KDM2A: variants seen among roughly 807,000 people sequenced by gnomAD.
KDM2A encodes lysine-specific demethylase 2A.
In KDM2A, 3 loss-of-function variants were observed where a neutral mutation model predicts 137.3. The observed-to-expected ratio is 0.02, with a 90% CI of 0.01 to 0.06. KDM2A has a LOEUF of 0.06. Ranked by LOEUF, KDM2A falls within the 10% of genes least tolerant of loss-of-function variation. The pLI, the probability that KDM2A is intolerant of heterozygous loss-of-function variation, is 1.00. For missense variants in KDM2A, 738 were observed against 1,510.6 expected (o/e 0.49, Z 8.48); for synonymous variants, 512 against 541.5 (o/e 0.95, Z 0.76).
At chr11:67,137,574 A>G (rs1308669921) in intron 2 of KDM2A, among the ~76,000 whole-genome samples, 3 of 152,192 alleles carry the variant, frequency 2.0e-5, no homozygotes, top group Non-Finnish European at 4.4e-5. Flanking sequence ...AAATATAAGT[A>G]TGACTCCCAA....
intron 1 of KDM2A, among the ~76,000 whole-genome samples, chr11:67,120,265 C>T (rs147946478): frequency 6.6e-6 from 1 of 152,320 alleles, no homozygotes; most frequent in African/African-American, 2.4e-5. Flanking sequence ...GTTTCCCTCC[C>T]GACTTCGGGC....
intron 5 of KDM2A, among the ~76,000 whole-genome samples, chr11:67,203,372 A>G (rs1405286662): frequency 6.6e-6 from 1 of 150,968 alleles, no homozygotes; most frequent in Non-Finnish European, 1.5e-5. Context: ...TATCTCCAAG[A>G]TATGGTTATA....
At chr11:67,138,749 C>A (rs1856026565) in intron 2 of KDM2A, among the ~76,000 whole-genome samples, 1 of 152,164 alleles carries the variant, frequency 6.6e-6, no homozygotes, top group Non-Finnish European at 1.5e-5. Flanking sequence ...CCACTACATT[C>A]TTGGATCCTA....
intron 10 of KDM2A, among the ~76,000 whole-genome samples, chr11:67,224,794 A>G (rs1001342975): frequency 4.8e-5 from 7 of 145,426 alleles, no homozygotes; most frequent in Non-Finnish European, 7.5e-5. Flanking sequence ...ATTTTCCCCA[A>G]TGATACTCAC....
Position 67,254,553 on chromosome 11 carries a change from G to A in KDM2A, c.3307+135G>A, listed in dbSNP as rs1452023152. On this transcript the variant is annotated intron_variant, in intron 20 of 20. Coordinates refer to ENST00000529006, the MANE Select transcript of KDM2A (RefSeq NM_012308.3). The surrounding 1 kb of genome is among the most constrained non-coding windows in gnomAD (Gnocchi z 4.7). ...GCTCATTTCTTCACATCTGGACAAG[G>A]ACATGGATTTCTATCCCTTTTTTAA... 7.7e-6 allele frequency: 6 copies of A among 779,196 alleles called. No individual in the cohort carries two copies. Among genetic ancestry groups the A allele is most frequent in the African/African-American group, 3.4e-5 (2 of 58,288 alleles). 48.3% of individuals were successfully genotyped at this position (779,196 alleles called of 1,614,324 possible).
chr11:67,176,119 G>A (rs1178691846), intron 2 of KDM2A, among the ~76,000 whole-genome samples: 1 of 152,110 alleles, frequency 6.6e-6, no homozygotes, highest in Non-Finnish European at 1.5e-5. Context: ...CAAGTTACTA[G>A]GTAAGAGAGT....
chr11:67,192,056 T>G (rs998799230), intron 5 of KDM2A, among the ~76,000 whole-genome samples: 1 of 152,214 alleles, frequency 6.6e-6, no homozygotes, highest in Non-Finnish European at 1.5e-5. Context: ...CACCCATCTA[T>G]AAACCCAAAA....
intron 2 of KDM2A, among the ~76,000 whole-genome samples, chr11:67,147,051 C>T (rs1856265700): frequency 6.6e-6 from 1 of 152,032 alleles, no homozygotes; most frequent in African/African-American, 2.4e-5. Context: ...AGCCAGAAAA[C>T]CTAACAGGAT....
chr11:67,246,132 A>G lies in KDM2A; in HGVS notation c.1965+16A>G, dbSNP rs1565423423. 6.2e-7 allele frequency: 1 copy of G among 1,613,274 alleles called. No individual in the cohort carries two copies. The highest frequency in any genetic ancestry group is 1.1e-5 in the South Asian group (1 of 90,940). On this transcript the variant is annotated intron_variant, in intron 15 of 20. Transcript: ENST00000529006. ...CTGCCTCCAGGTGAGGAGAGCTATG[A>G]GGGGTTCCTGAAGTCTCAGCTAATG...
intron 2 of KDM2A, among the ~76,000 whole-genome samples, chr11:67,160,468 T>A (rs1856610794): frequency 6.6e-6 from 1 of 152,094 alleles, no homozygotes; most frequent in Non-Finnish European, 1.5e-5. Flanking sequence ...AGGAAGCCCT[T>A]CATTTAAGAA....
chr11:67,248,450 A>G (rs919447333), intron 16 of KDM2A, 80 bp downstream of exon 16: 32 of 908,618 alleles, frequency 3.5e-5, no homozygotes, highest in South Asian at 1.2e-4. Flanking sequence ...TTGCCTTTGC[A>G]TTAGTGTTCA....
Position 67,250,555 on chromosome 11 carries a change from C to T in KDM2A, c.2525C>T (p.Ala842Val), listed in dbSNP as rs1216483801. The change falls in exon 17 of 21, where the codon GCC becomes GTC. Residue 842 changes from alanine (A) to valine (V), a missense_variant. Coordinates refer to ENST00000529006, the MANE Select transcript of KDM2A (RefSeq NM_012308.3). This position sits in a 1 kb window ranked among gnomAD's most constrained non-coding sequence, Gnocchi z 7.1. ...CGTGTGCTAGTGCAGCACTGCCCAGCCCGAACCCCCCAGCGTGGGGATGAG... is the reference window on the plus strand; with the variant it reads ...CGTGTGCTAGTGCAGCACTGCCCAGTCCGAACCCCCCAGCGTGGGGATGAG... ...SPRVLVQHCP[A>V]RTPQRGDEEG... 11 of 1,613,622 alleles carry T rather than the reference C, an allele frequency of 6.8e-6. No homozygotes were observed. In the South Asian group the frequency reaches 9.9e-5, roughly 14 times the overall value.
In KDM2A at chr11:67,245,936, A is replaced by G. The variant is rs776609835; in HGVS notation, c.1834-49A>G. ...CTTCAGTTTAAGGGAAACTGAAATGATAAAGATCTGAGTCAGTTCTCTTGG... is the reference window on the plus strand; with the variant it reads ...CTTCAGTTTAAGGGAAACTGAAATGGTAAAGATCTGAGTCAGTTCTCTTGG... On this transcript the variant is annotated intron_variant, in intron 14 of 20. Transcript: ENST00000529006. This position sits in a 1 kb window ranked among gnomAD's most constrained non-coding sequence, Gnocchi z 4.1. 3 of 1,603,732 alleles carry G rather than the reference A, an allele frequency of 1.9e-6. No homozygotes were observed. The East Asian group carries it at 6.7e-5, about 36-fold the overall frequency.
At chr11:67,247,053 ATATATATATATATATATATTTTTT>A (rs1859248971) in intron 15 of KDM2A, among the ~76,000 whole-genome samples, 1 of 20,872 alleles carries the variant, frequency 4.8e-5, no homozygotes, top group East Asian at 8.6e-4. Context: ...ATATATATAT[ATATATATATATATATATATTTTTT>A]TTTTTTTTTT....
rs1218888568 is a variant in KDM2A at position 67,207,593 on chromosome 11, G to A, written c.391G>A (p.Glu131Lys). The change falls in exon 6 of 21, where the codon GAG (glutamate) becomes AAG (lysine). Residue 131 changes from glutamate (E) to lysine (K), a missense_variant. By Grantham distance (56) the Glu-to-Lys change is moderately conservative. Coordinates refer to ENST00000529006, the MANE Select transcript of KDM2A (RefSeq NM_012308.3). ...MTMAQWTRYY[E>K]TPEEEREKLY... ...CATGGCTCAGTGGACACGCTACTAT[G>A]AGACCCCAGAGGAGGAGCGAGAGAA... is the stretch of plus-strand genomic sequence containing the variant. 2 of 1,613,704 alleles carry A rather than the reference G, an allele frequency of 1.2e-6. No individual in the cohort carries two copies. Among genetic ancestry groups the A allele is most frequent in the Non-Finnish European group, 1.7e-6 (2 of 1,179,828 alleles).
chr11:67,240,086 G>A, intron 12 of KDM2A: 1 of 1,373,422 alleles, frequency 7.3e-7, no homozygotes, highest in South Asian at 1.8e-5. Context: ...GGGTGACGCA[G>A]CAGCATTGTT....
chr11:67,129,779 C>T (rs1032492489), intron 2 of KDM2A, among the ~76,000 whole-genome samples: 2 of 149,658 alleles, frequency 1.3e-5, no homozygotes, highest in Non-Finnish European at 3.0e-5. Context: ...GGCATAGTGG[C>T]ACATGCCTGT....
At chr11:67,221,901 C>G (rs1274769428) in intron 10 of KDM2A, among the ~76,000 whole-genome samples, 1 of 150,628 alleles carries the variant, frequency 6.6e-6, no homozygotes, top group Non-Finnish European at 1.5e-5. Flanking sequence ...TGCCACTGTA[C>G]TCCAGCCTGG....
At chr11:67,243,509 T>C (rs1218727579) in intron 13 of KDM2A, 2 of 155,698 alleles carry the variant, frequency 1.3e-5, no homozygotes, top group African/African-American at 2.4e-5. Flanking sequence ...CTTTGCAGTG[T>C]GGAATGGAAA....
Sources: gnomAD v4.1 joint callset for allele counts (sites outside exome capture counted in the v4.1 genomes callset) on GRCh38, gnomAD v4.1.1 for gene constraint, Gnocchi (gnomAD v3.1) non-coding constraint, MANE v1.5 for transcripts, NCBI Gene and HGNC (gene_info 2026-07-23, HGNC 2026-07-21) for gene names.